The following CSMD2 variants were observed in gnomAD, a reference collection of about 807,000 sequenced individuals.
The protein encoded by CSMD2 is CUB and Sushi multiple domains 2, also known as CUB and sushi domain-containing protein 2.
In CSMD2, 130 loss-of-function variants were observed where a neutral mutation model predicts 398.5. The observed-to-expected ratio is 0.33, with a 90% CI of 0.28 to 0.38. The LOEUF (loss-of-function observed/expected upper bound fraction) is 0.38, where lower values mean the gene tolerates loss of function less well. CSMD2 is among the 10% of genes least tolerant of loss of function. CSMD2 has a pLI of 1.00. For missense variants in CSMD2, 3,829 were observed against 4,764.9 expected (o/e 0.80, Z 5.78); for synonymous variants, 1,828 against 1,908.5 (o/e 0.96, Z 1.10).
At chr1:33,987,608 T>A (rs528518043) in intron 3 of CSMD2, among the ~76,000 whole-genome samples, 1 of 152,272 alleles carries the variant, frequency 6.6e-6, no homozygotes, top group South Asian at 2.1e-4. Flanking sequence ...CAATTATAAT[T>A]CCTCTGTGGA....
rs146083349 is a variant in CSMD2 at position 33,569,520 on chromosome 1, G to A, written c.7985C>T (p.Pro2662Leu). 6.2e-7 allele frequency: 1 copy of A among 1,614,154 alleles called. No individual in the cohort carries two copies. Among genetic ancestry groups the A allele is most frequent in the South Asian group, 1.1e-5 (1 of 91,068 alleles). ...TGTTCCGATGCGGTGGCCATTGGGG[G>A]GAATCGGGAGCTCTCCACAGGAGAT... is the stretch of plus-strand genomic sequence containing the variant. ...RIISCGELPIPPNGHRIGTLS... is the reference protein window; with the variant it reads ...RIISCGELPILPNGHRIGTLS... The change falls in exon 52 of 71, where the codon CCC becomes CTC. Residue 2662 changes from proline to leucine, a missense_variant. Pro to Leu is a moderately conservative substitution (Grantham distance 98, BLOSUM62 -3). Transcript: ENST00000373381.
intron 59 of CSMD2, 77 bp from the exon 60 acceptor site, chr1:33,540,775 C>T (rs1202028555): frequency 2.6e-5 from 39 of 1,528,354 alleles, no homozygotes; most frequent in Admixed American, 5.2e-5. Context: ...TTGATATCAC[C>T]GACTACCCTG....
intron 15 of CSMD2, among the ~76,000 whole-genome samples, chr1:33,732,097 C>G (rs78853828): frequency 6.6e-6 from 1 of 152,190 alleles, no homozygotes; most frequent in East Asian, 1.9e-4. Context: ...AACAGGGAAG[C>G]ACACACATGT....
Position 33,583,696 on chromosome 1 carries a change from T to C in CSMD2, c.7186A>G (p.Thr2396Ala), listed in dbSNP as rs762872050. 15 of 1,614,022 alleles carry C rather than the reference T, an allele frequency of 9.3e-6. No homozygotes were observed. In the Admixed American group the frequency reaches 1.8e-4, roughly 20 times the overall value. ...TTCTCGCTGAGGAAGTACTCCACTG[T>C]GAGGGAGATGTTATAGTCGGGCTCC... ...RVEPDYNISL[T>A]VEYFLSEKQY... Residue 2396 changes from threonine to alanine, a missense_variant, in exon 47 of 71, where the codon ACA (threonine) becomes GCA (alanine). Around this residue, in one of 5 missense-constraint regions of CSMD2, gnomAD observed 723 missense variants for 758.6 expected, o/e 0.95. Transcript: ENST00000373381.
At chr1:33,755,780 G>A (rs1648905318) in intron 13 of CSMD2, among the ~76,000 whole-genome samples, 1 of 151,590 alleles carries the variant, frequency 6.6e-6, no homozygotes, top group African/African-American at 2.4e-5. Flanking sequence ...CAAGTAGCTG[G>A]GACTATAGGT....
intron 2 of CSMD2, among the ~76,000 whole-genome samples, chr1:34,056,386 A>G (rs1653833565): frequency 6.6e-6 from 1 of 152,190 alleles, no homozygotes; most frequent in Non-Finnish European, 1.5e-5. Context: ...CTGGATCCCA[A>G]TGCTAAGCAT....
chr1:33,740,715 GA>G (rs1212699353), intron 14 of CSMD2, among the ~76,000 whole-genome samples: 1 of 151,942 alleles, frequency 6.6e-6, no homozygotes, highest in African/African-American at 2.4e-5. Flanking sequence ...TATGGTGTGG[GA>G]AAAAAAATGA....
chr1:33,718,294 CT>C (rs1471512820), intron 19 of CSMD2, among the ~76,000 whole-genome samples: 6 of 152,332 alleles, frequency 3.9e-5, no homozygotes, highest in Middle Eastern at 3.4e-3. Context: ...GCAGCATGGT[CT>C]TAACACCCAA....
chr1:34,140,130 T>G (rs904329460), intron 1 of CSMD2, among the ~76,000 whole-genome samples: 10 of 151,956 alleles, frequency 6.6e-5, no homozygotes, highest in Non-Finnish European at 1.5e-5. Flanking sequence ...GATCAATGTA[T>G]CATGATCAAC....
At chr1:33,860,663 T>C (rs1639433517) in intron 5 of CSMD2, 3 of 152,340 alleles carry the variant, frequency 2.0e-5, no homozygotes, top group Non-Finnish European at 2.9e-5. Flanking sequence ...TTTAGAGATA[T>C]GGTTGTAATG....
chr1:33,712,172 C>A (rs1646014032), intron 21 of CSMD2, among the ~76,000 whole-genome samples: 1 of 152,188 alleles, frequency 6.6e-6, no homozygotes, highest in Admixed American at 6.5e-5. Context: ...CCTGGGGCTT[C>A]TGAGGCAGAG....
chr1:33,639,149 T>C (rs143212800), intron 29 of CSMD2, among the ~76,000 whole-genome samples: 32 of 152,344 alleles, frequency 2.1e-4, no homozygotes, highest in African/African-American at 7.2e-4. Flanking sequence ...GGAACCTCAG[T>C]TGCCATCTTG....
intron 17 of CSMD2, 104 bp downstream of exon 17, chr1:33,725,244 TG>T: frequency 3.2e-6 from 3 of 938,360 alleles, no homozygotes; most frequent in Non-Finnish European, 5.0e-6. Flanking sequence ...AAGAACACCA[TG>T]GGGATGGGGC....
chr1:33,813,529 C>G (rs1481668222), intron 9 of CSMD2, among the ~76,000 whole-genome samples: 1 of 152,144 alleles, frequency 6.6e-6, no homozygotes, highest in African/African-American at 2.4e-5. Flanking sequence ...CCCTGAAATG[C>G]TCTTCTGGAT....
At chr1:33,909,052 G>A (rs895739566) in intron 5 of CSMD2, among the ~76,000 whole-genome samples, 1 of 152,180 alleles carries the variant, frequency 6.6e-6, no homozygotes, top group Non-Finnish European at 1.5e-5. Context: ...CGGTTAGAAT[G>A]GGCCTTATTC....
intron 1 of CSMD2, among the ~76,000 whole-genome samples, chr1:34,103,210 A>G (rs767126566): frequency 2.0e-5 from 3 of 150,922 alleles, no homozygotes; most frequent in Non-Finnish European, 4.4e-5. Context: ...TTTATCATTC[A>G]TGATGAATGT....
chr1:33,525,903 C>T (rs1475094914), intron 65 of CSMD2, among the ~76,000 whole-genome samples: 3 of 152,096 alleles, frequency 2.0e-5, no homozygotes, highest in Admixed American at 6.5e-5. Flanking sequence ...AGGCTGGTCT[C>T]GAACTCCTGA....
chr1:33,689,431 A>G (rs1645163105), intron 25 of CSMD2, among the ~76,000 whole-genome samples: 1 of 152,034 alleles, frequency 6.6e-6, no homozygotes. Context: ...CATGCCCCCC[A>G]TGACTTCATA....
intron 44 of CSMD2, among the ~76,000 whole-genome samples, chr1:33,592,982 TAC>T (rs1329665030): frequency 1.3e-5 from 2 of 151,864 alleles, no homozygotes; most frequent in African/African-American, 2.4e-5. Context: ...GACATATGTG[TAC>T]ACTCATGATC....
Sources: gnomAD v4.1 joint callset for allele counts (sites outside exome capture counted in the v4.1 genomes callset) on GRCh38, gnomAD v4.1.1 for gene constraint, gnomAD v4.1.1 regional missense constraint, MANE v1.5 for transcripts, NCBI Gene and HGNC (gene_info 2026-07-23, HGNC 2026-07-21) for gene names.